Variants in BEGAIN observed in about 807,000 individuals in gnomAD.
BEGAIN encodes the protein brain-enriched guanylate kinase-associated protein.
Under a neutral mutation model 35.8 loss-of-function variants are expected in BEGAIN, and 19 were observed. That is an observed-to-expected ratio of 0.53 (90% CI 0.37 to 0.78). The LOEUF (loss-of-function observed/expected upper bound fraction) is 0.78. Among genes scored for constraint, BEGAIN ranks in the 30% least tolerant of loss-of-function variants. BEGAIN has a pLI of 0.00. For synonymous variants in BEGAIN, 462 were observed against 388.6 expected, an observed-to-expected ratio of 1.19 and a Z score of -2.22; for missense variants, 795 against 853.6, an observed-to-expected ratio of 0.93 and a Z score of 0.85.
At chr14:100,542,559 G>C (rs1415078241) in intron 5 of BEGAIN, among the ~76,000 whole-genome samples, 1 of 152,236 alleles carries the variant, frequency 6.6e-6, no homozygotes, top group African/African-American at 2.4e-5. Flanking sequence ...TCCCTCCCCA[G>C]CTGTCCCCAG....
intron 3 of BEGAIN, chr14:100,545,420 G>A: frequency 9.1e-7 from 1 of 1,093,850 alleles, no homozygotes; most frequent in Non-Finnish European, 1.1e-6. Context: ...AACCTGTTAT[G>A]GGGTTGACAG....
chr14:100,562,270 C>T (rs2034325511), intron 2 of BEGAIN, among the ~76,000 whole-genome samples: 2 of 152,138 alleles, frequency 1.3e-5, no homozygotes, highest in Admixed American at 1.3e-4. Flanking sequence ...CAGGACATCT[C>T]TTCCTGAGTT....
At chr14:100,546,951 G>A (rs2032606108) in intron 2 of BEGAIN, 1 of 294,602 alleles carries the variant, frequency 3.4e-6, no homozygotes, top group Non-Finnish European at 6.4e-6. Flanking sequence ...CCCAGGTGGT[G>A]GCTGGAGGAG....
chr14:100,565,345 G>A (rs573350544), intron 2 of BEGAIN, among the ~76,000 whole-genome samples: 8 of 152,196 alleles, frequency 5.3e-5, no homozygotes, highest in Non-Finnish European at 8.8e-5. Flanking sequence ...TGGGGAACTC[G>A]GAAGCAGGGC....
chr14:100,550,232 C>T (rs1023437687), intron 2 of BEGAIN, among the ~76,000 whole-genome samples: 1 of 152,068 alleles, frequency 6.6e-6, no homozygotes, highest in Non-Finnish European at 1.5e-5. Flanking sequence ...GGGGTCCAAG[C>T]CCAAGGAAGG....
At position 100,541,155 on chromosome 14, in the gene BEGAIN, C is replaced by G. The variant is rs147755981; in HGVS notation, c.409-576G>C. On this transcript the variant is annotated intron_variant, in intron 5 of 6. Transcript: ENST00000554140. ...CCTCAGGCCCAGGCGGGCGCTGGCT[C>G]AGCCTCCTGAGCTGAAAACAGATGC... is the stretch of plus-strand genomic sequence containing the variant. 4.6e-5 allele frequency among the ~76,000 whole-genome samples: 7 copies of G among 152,398 alleles called. No homozygotes were observed. In the East Asian group the frequency reaches 1.3e-3, roughly 29 times the overall value.
intron 2 of BEGAIN, chr14:100,549,337 C>T: frequency 6.5e-6 from 1 of 152,680 alleles, no homozygotes; most frequent in Non-Finnish European, 1.5e-5. Context: ...CAGCCACCCA[C>T]CTATGGCCCT....
chr14:100,546,778 GCGCACACACA>G (rs1430043159), intron 2 of BEGAIN, 116 bp from the exon 3 acceptor site: 353 of 542,114 alleles, frequency 6.5e-4, no homozygotes, highest in East Asian at 2.5e-3. Flanking sequence ...GCGCGCGCGC[GCGCACACACA>G]CACACACACA....
At chr14:100,560,607 A>G (rs1178002909) in intron 2 of BEGAIN, among the ~76,000 whole-genome samples, 1 of 152,164 alleles carries the variant, frequency 6.6e-6, no homozygotes, top group Non-Finnish European at 1.5e-5. Flanking sequence ...CAGGACACAG[A>G]GAACCAGCAG....
chr14:100,551,413 A>G (rs952185271), intron 2 of BEGAIN, among the ~76,000 whole-genome samples: 1 of 152,324 alleles, frequency 6.6e-6, no homozygotes, highest in African/African-American at 2.4e-5. Context: ...GGCTGGTTCC[A>G]TCAATAAGGC....
At position 100,539,193 on chromosome 14, in the gene BEGAIN, C is replaced by T. The variant is rs1313439462; in HGVS notation, c.615G>A (p.Val205=). Residue 205 remains valine, a synonymous_variant, in exon 7 of 7, where the codon GTG becomes GTA. Coordinates refer to ENST00000554140, the MANE Select transcript of BEGAIN (RefSeq NM_001385089.1). ...DSVPTCVIAK[V]LEKPDPASLS... ...GGCTGGCGGGGTCCGGCTTCTCCAG[C>T]ACCTTGGCAATGACGCAGGTGGGGA... 7 of 1,581,896 alleles carry T rather than the reference C, an allele frequency of 4.4e-6. No individual in the cohort carries two copies. Among genetic ancestry groups the T allele is most frequent in the South Asian group, 2.3e-5 (2 of 86,134 alleles).
chr14:100,543,542 G>C (rs1239218621), intron 5 of BEGAIN, among the ~76,000 whole-genome samples: 2 of 152,210 alleles, frequency 1.3e-5, no homozygotes, highest in East Asian at 1.9e-4. Context: ...CTTGGGATCA[G>C]GAAGCCTTGC....
intron 1 of BEGAIN, among the ~76,000 whole-genome samples, chr14:100,574,716 A>G (rs2035166696): frequency 6.6e-6 from 1 of 152,134 alleles, no homozygotes; most frequent in Non-Finnish European, 1.5e-5. Flanking sequence ...TCCCCCATTC[A>G]GGAAGGGGAC....
In BEGAIN at chr14:100,568,175, A is replaced by C; in HGVS notation, c.43-236T>G. The C allele has an allele frequency of 1.2e-6, 1 of 848,784 alleles. No individual in the cohort carries two copies. Among genetic ancestry groups the C allele is most frequent in the South Asian group, 5.0e-5 (1 of 19,880 alleles). The allele number at this position is 848,784 out of a possible 1,614,324, so 52.6% of individuals were successfully genotyped here. On this transcript the variant is annotated intron_variant, in intron 1 of 6. Transcript: ENST00000554140. The surrounding 1 kb of genome is among the most constrained non-coding windows in gnomAD (Gnocchi z 7.5). ...CCGCCCGGGCCGCCGCGCTCCCCGC[A>C]CCGAGTTACGCCCCCCGGGGCGAAG...
At chr14:100,559,561 C>G (rs1193773973) in intron 2 of BEGAIN, among the ~76,000 whole-genome samples, 1 of 152,244 alleles carries the variant, frequency 6.6e-6, no homozygotes, top group African/African-American at 2.4e-5. Context: ...CCAAGGAACC[C>G]ACGCTGGCTT....
rs112148825 is a variant in BEGAIN at position 100,563,694 on chromosome 14, C to T, written c.71+4217G>A. Among the ~76,000 whole-genome samples the T allele has an allele frequency of 0.025, 3,834 of 152,308 alleles. 76 individuals carry two copies. Among genetic ancestry groups the T allele is most frequent in the Middle Eastern group, 0.044 (13 of 294 alleles). On this transcript the variant is annotated intron_variant, in intron 2 of 6. Coordinates refer to ENST00000554140, the MANE Select transcript of BEGAIN (RefSeq NM_001385089.1). This position sits in a 1 kb window ranked among gnomAD's most constrained non-coding sequence, Gnocchi z 4.2. ...CTGACCCTATGCGCACCCTGTGCCCCGGAGGTTCCACTGAGGGTGCACACC... is the reference window on the plus strand; with the variant it reads ...CTGACCCTATGCGCACCCTGTGCCCTGGAGGTTCCACTGAGGGTGCACACC...
rs1448189053 is a variant in BEGAIN at position 100,543,838 on chromosome 14, C to G, written c.408+20G>C. The G allele has an allele frequency of 1.2e-6, 2 of 1,600,376 alleles. No homozygotes were observed. The highest frequency in any genetic ancestry group is 1.7e-6 in the Non-Finnish European group (2 of 1,169,770). On this transcript the variant is annotated intron_variant, in intron 5 of 6. Transcript: ENST00000554140. ...GGCCCACCGGCAGTCTTCCATGGGCCAAGTGTGTGCGGCACTCACGTTGTC... is the reference window on the plus strand; with the variant it reads ...GGCCCACCGGCAGTCTTCCATGGGCGAAGTGTGTGCGGCACTCACGTTGTC...
At chr14:100,583,623 CCTCTTTCT>C (rs900632071) in intron 1 of BEGAIN, among the ~76,000 whole-genome samples, 53 of 150,780 alleles carry the variant, frequency 3.5e-4, no homozygotes, top group Non-Finnish European at 5.0e-4. Flanking sequence ...TCCATCTATC[CCTCTTTCT>C]CTCTTTCTTT....
intron 6 of BEGAIN, 93 bp from the exon 7 acceptor site, chr14:100,539,408 C>A: frequency 6.8e-7 from 1 of 1,477,444 alleles, no homozygotes; most frequent in Non-Finnish European, 8.9e-7. Flanking sequence ...CTGATGTTAG[C>A]CATGACCGAC....
Sources: gnomAD v4.1 joint callset for allele counts (sites outside exome capture counted in the v4.1 genomes callset) on GRCh38, gnomAD v4.1.1 for gene constraint, Gnocchi (gnomAD v3.1) non-coding constraint, MANE v1.5 for transcripts, NCBI Gene and HGNC (gene_info 2026-07-23, HGNC 2026-07-21) for gene names.